The following ARL6IP4 variants were observed in gnomAD, a reference collection of about 807,000 sequenced individuals.
ARL6IP4 encodes ARF like GTPase 6 interacting protein 4, also known as ADP-ribosylation factor-like protein 6-interacting protein 4.
Under a neutral mutation model 28.1 loss-of-function variants are expected in ARL6IP4, and 24 were observed. The ratio of observed to expected loss-of-function variants is 0.86; its 90% CI spans 0.62 to 1.20. The LOEUF is 1.20. ARL6IP4 is among the 50% of genes most tolerant of loss of function. The pLI, the probability that ARL6IP4 is intolerant of heterozygous loss-of-function variation, is 0.00. For synonymous variants in ARL6IP4, 162 were observed against 122.3 expected (o/e 1.32, Z -2.14); for missense variants, 343 against 302.4 (o/e 1.13, Z -1.00).
At chr12:122,980,521 A>T, upstream of ARL6IP4, 1 of 1,366,828 alleles carries the variant, frequency 7.3e-7, no homozygotes, top group Non-Finnish European at 9.4e-7. Flanking sequence ...GCTTCGGCAG[A>T]CACAGGCGTG....
chr12:122,982,461 A>G lies in ARL6IP4; in HGVS notation c.588-8A>G, dbSNP rs59593920. On this transcript the variant is annotated splice_region_variant and splice_polypyrimidine_tract_variant and intron_variant, in intron 4 of 5. Transcript: ENST00000315580. The stretch of plus-strand genomic sequence containing the variant: ...TTCCTTGCTGAACGGAGACCCTCCC[A>G]CCCCCAGGCTTATTAAGGGAGATGG... The G allele has an allele frequency of 1.9e-6, 3 of 1,610,874 alleles. No individual in the cohort carries two copies. The highest frequency in any genetic ancestry group is 1.6e-4 in the Middle Eastern group (1 of 6,082).
rs57110420 is a variant in ARL6IP4 at position 122,982,896 on chromosome 12, C to A, written c.*220C>A. Reference sequence around the variant, plus strand: ...AGCAGCACTTCTCAGCTATTAAAGGCCCCCTGGATAGACTTTCTCTGTTCT... The same window carrying A: ...AGCAGCACTTCTCAGCTATTAAAGGACCCCTGGATAGACTTTCTCTGTTCT... On this transcript the variant is annotated 3_prime_UTR_variant, in exon 6 of 6. Transcript: ENST00000315580. 0.012 allele frequency: 7,476 copies of A among 601,180 alleles called. 381 individuals carry two copies. Among genetic ancestry groups the A allele is most frequent in the African/African-American group, 0.12 (6,290 of 53,930 alleles). The allele number at this position is 601,180 out of a possible 1,614,324, so 37.2% of individuals were successfully genotyped here.
chr12:122,981,156 C>T lies in ARL6IP4; in HGVS notation c.17C>T (p.Ser6Phe). 6.5e-7 allele frequency: 1 copy of T among 1,549,114 alleles called. No homozygotes were observed. Among genetic ancestry groups the T allele is most frequent in the Non-Finnish European group, 8.7e-7 (1 of 1,146,480 alleles). Residue 6 changes from serine to phenylalanine, a missense_variant, in exon 2 of 6, where the codon TCC becomes TTC. Ser to Phe is a radical substitution (Grantham distance 155). Coordinates refer to ENST00000315580, the MANE Select transcript of ARL6IP4 (RefSeq NM_018694.4). MAHVG[S>F]RKRSRSRSRS... ...CGCGGCGCCATGGCTCACGTCGGCTCCCGCAAGCGCTCGAGGAGTCGCAGC... is the reference window on the plus strand; with the variant it reads ...CGCGGCGCCATGGCTCACGTCGGCTTCCGCAAGCGCTCGAGGAGTCGCAGC...
Position 122,982,068 on chromosome 12 carries a change from G to A in ARL6IP4, c.581G>A (p.Arg194His), listed in dbSNP as rs202056880. Residue 194 changes from arginine (R) to histidine (H), a missense_variant, in exon 4 of 6, where the codon CGC becomes CAC. Coordinates refer to ENST00000315580, the MANE Select transcript of ARL6IP4 (RefSeq NM_018694.4). ...AAGGTGGTGGACCCTGAGACGGGGC[G>A]CACCAGGTGGGGAGCTTTCGGCCTG... is the stretch of plus-strand genomic sequence containing the variant. ...IRKVVDPETG[R>H]TRLIKGDGEV... The A allele has an allele frequency of 2.2e-5, 36 of 1,613,286 alleles. No individual in the cohort carries two copies. In the East Asian group the frequency reaches 3.3e-4, roughly 15 times the overall value.
Position 122,981,244 on chromosome 12 carries a change from C to T in ARL6IP4, c.105C>T (p.Asn35=), listed in dbSNP as rs1449615288. 6.5e-7 allele frequency: 1 copy of T among 1,549,890 alleles called. No homozygotes were observed. Among genetic ancestry groups the T allele is most frequent in the African/African-American group, 1.4e-5 (1 of 72,930 alleles). The change falls in exon 2 of 6, where the codon AAC becomes AAT. Residue 35 remains asparagine (N), a synonymous_variant. Transcript: ENST00000315580. ...AGAGCAGGAAAGACACCTCGAGGAA[C>T]TGCTCGGCCTCCACATCCCAAGGTC... is the stretch of plus-strand genomic sequence containing the variant. ...KKKSRKDTSR[N]CSASTSQGRK... is the part of the protein sequence containing the mutation.
Position 122,982,062 on chromosome 12 carries a change from C to T in ARL6IP4, c.575C>T (p.Thr192Met), listed in dbSNP as rs376571185. The T allele has an allele frequency of 3.1e-6, 5 of 1,613,320 alleles. No homozygotes were observed. In the African/African-American group the frequency reaches 4.0e-5, roughly 13 times the overall value. ...SIIRKVVDPE[T>M]GRTRLIKGDG... ...ATCCGCAAGGTGGTGGACCCTGAGA[C>T]GGGGCGCACCAGGTGGGGAGCTTTC... is the stretch of plus-strand genomic sequence containing the variant. Residue 192 changes from threonine (T) to methionine (M), a missense_variant, in exon 4 of 6, where the codon ACG becomes ATG. Thr to Met is a moderately conservative substitution (Grantham distance 81). Transcript: ENST00000315580.
chr12:122,980,953 G>A, intron 1 of ARL6IP4, 176 bp from the exon 2 acceptor site: 1 of 1,387,734 alleles, frequency 7.2e-7, no homozygotes. Flanking sequence ...GGGGACTGGA[G>A]TCGGCGGAGA....
chr12:122,981,395 G>A, intron 2 of ARL6IP4, 96 bp downstream of exon 2: 1 of 1,451,740 alleles, frequency 6.9e-7, no homozygotes, highest in Non-Finnish European at 9.1e-7. Flanking sequence ...CCTCTGTGCA[G>A]CCGGGCCTGA....
chr12:122,982,304 C>G, intron 4 of ARL6IP4, 165 bp from the exon 5 acceptor site: 1 of 832,608 alleles, frequency 1.2e-6, no homozygotes, highest in Non-Finnish European at 1.9e-6. Context: ...CAGAGCCCAG[C>G]TCCACTGCCT....
upstream of ARL6IP4, chr12:122,980,408 C>T (rs759132004): frequency 8.0e-6 from 11 of 1,368,412 alleles, 1 homozygote; most frequent in Admixed American, 1.8e-4. Context: ...CAGGACCAGC[C>T]GGGGAGGAGG....
chr12:122,981,275 G>T lies in ARL6IP4; in HGVS notation c.136G>T (p.Ala46Ser). Reference protein sequence around the residue: ...CSASTSQGRKASTAPGAEASP... With the variant: ...CSASTSQGRKSSTAPGAEASP... ...GGCCTCCACATCCCAAGGTCGCAAG[G>T]CCAGCACGGCCCCTGGGGCGGAGGG... Residue 46 changes from alanine (A) to serine (S), a missense_variant, in exon 2 of 6, where the codon GCC becomes TCC. Coordinates refer to ENST00000315580, the MANE Select transcript of ARL6IP4 (RefSeq NM_018694.4). The T allele has an allele frequency of 6.5e-7, 1 of 1,549,320 alleles. No homozygotes were observed. The highest frequency in any genetic ancestry group is 2.0e-5 in the Admixed American group (1 of 50,868).
rs776955106 is a variant in ARL6IP4, at chr12:122,982,463, C to T, written c.588-6C>T. Reference sequence around the variant, plus strand: ...CCTTGCTGAACGGAGACCCTCCCACCCCCAGGCTTATTAAGGGAGATGGCG... The same window carrying T: ...CCTTGCTGAACGGAGACCCTCCCACTCCCAGGCTTATTAAGGGAGATGGCG... On this transcript the variant is annotated splice_region_variant and splice_polypyrimidine_tract_variant and intron_variant, in intron 4 of 5. Coordinates refer to ENST00000315580, the MANE Select transcript of ARL6IP4 (RefSeq NM_018694.4). 2 of 1,611,698 alleles carry T rather than the reference C, an allele frequency of 1.2e-6. No individual in the cohort carries two copies. Among genetic ancestry groups the T allele is most frequent in the Non-Finnish European group, 1.7e-6 (2 of 1,178,840 alleles).
chr12:122,981,053 C>T (rs2037623269), intron 1 of ARL6IP4, 76 bp from the exon 2 acceptor site: 3 of 1,463,728 alleles, frequency 2.0e-6, no homozygotes, highest in Admixed American at 2.7e-5. Flanking sequence ...GCCCCGGCCC[C>T]GCTAGAGCCA....
chr12:122,981,384 G>T, intron 2 of ARL6IP4, 85 bp downstream of exon 2: 4 of 1,467,286 alleles, frequency 2.7e-6, no homozygotes, highest in Non-Finnish European at 3.6e-6. Flanking sequence ...GCTCAGTCAT[G>T]CCTCTGTGCA....
intron 4 of ARL6IP4, 159 bp downstream of exon 4, chr12:122,982,233 T>G (rs2037712897): frequency 2.3e-6 from 2 of 885,808 alleles, no homozygotes; most frequent in Non-Finnish European, 3.5e-6. Context: ...TTGCAGGGGC[T>G]GGAAGGGCCT....
intron 1 of ARL6IP4, 45 bp downstream of exon 1, chr12:122,980,790 C>G: frequency 7.7e-7 from 1 of 1,302,956 alleles, no homozygotes; most frequent in East Asian, 3.2e-5. Flanking sequence ...GCGGCGAGGC[C>G]GCGAAGGGCG....
intron 5 of ARL6IP4, 30 bp from the exon 6 acceptor site, chr12:122,982,590 A>G (rs1223876496): frequency 1.2e-6 from 2 of 1,613,736 alleles, no homozygotes; most frequent in South Asian, 1.1e-5. Flanking sequence ...TTTGTGATGT[A>G]CCCCTCCTCC....
intron 4 of ARL6IP4, 155 bp downstream of exon 4, chr12:122,982,229 G>T: frequency 1.1e-6 from 1 of 905,752 alleles, no homozygotes; most frequent in Non-Finnish European, 1.7e-6. Context: ...GTAGTTGCAG[G>T]GGCTGGAAGG....
chr12:122,982,153 G>A lies in ARL6IP4; in HGVS notation c.587+79G>A, dbSNP rs1484675879. ...GATGTGTGCTCTCGGGAGGAGTGGGGCCGGGCGGGGTTCCTGGTGCCTGAA... is the reference window on the plus strand; with the variant it reads ...GATGTGTGCTCTCGGGAGGAGTGGGACCGGGCGGGGTTCCTGGTGCCTGAA... On this transcript the variant is annotated intron_variant, in intron 4 of 5. Coordinates refer to ENST00000315580, the MANE Select transcript of ARL6IP4 (RefSeq NM_018694.4). 6 of 1,518,504 alleles carry A rather than the reference G, an allele frequency of 4.0e-6. No homozygotes were observed. In the African/African-American group the frequency reaches 6.9e-5, roughly 17 times the overall value. 94.1% of individuals were successfully genotyped at this position (1,518,504 alleles called of 1,614,324 possible).
Sources: gnomAD v4.1 joint callset for allele counts on GRCh38, gnomAD v4.1.1 for gene constraint, MANE v1.5 for transcripts, NCBI Gene and HGNC (gene_info 2026-07-23, HGNC 2026-07-21) for gene names.